Variants in DDX19A observed in about 807,000 individuals in gnomAD.
DDX19A encodes ATP-dependent RNA helicase DDX19A.
A neutral mutation model predicts 60.6 loss-of-function variants in DDX19A; 12 were observed. That is an observed-to-expected ratio of 0.20 (90% CI 0.13 to 0.32). The LOEUF (loss-of-function observed/expected upper bound fraction) is 0.32. Among genes scored for constraint, DDX19A ranks in the 10% least tolerant of loss-of-function variants. DDX19A has a pLI of 1.00. For missense variants in DDX19A, 337 were observed against 600.6 expected (o/e 0.56, Z 4.59); for synonymous variants, 206 against 218.2 (o/e 0.94, Z 0.49).
chr16:70,354,272 G>A (rs560309384), intron 2 of DDX19A, among the ~76,000 whole-genome samples: 2 of 151,772 alleles, frequency 1.3e-5, no homozygotes, highest in East Asian at 1.9e-4. Flanking sequence ...CAGCCTTCCC[G>A]AATAGCTGGG....
At chr16:70,370,170 G>GA (rs1279748084) in intron 9 of DDX19A, 53 bp from the exon 10 acceptor site, 6 of 1,571,600 alleles carry the variant, frequency 3.8e-6, no homozygotes, top group Non-Finnish European at 5.2e-6. Context: ...GTCTCAAAAA[G>GA]AAAAAATATA....
chr16:70,371,481 C>T lies in DDX19A; in HGVS notation c.1293C>T (p.Arg431=). 1 of 1,604,322 alleles carries T rather than the reference C, an allele frequency of 6.2e-7. No homozygotes were observed. The highest frequency in any genetic ancestry group is 8.5e-7 in the Non-Finnish European group (1 of 1,174,108). The part of the protein sequence containing the change: ...TYLHRIGRTG[R]FGKRGLAVNM... The stretch of plus-strand genomic sequence containing the variant: ...TGCACCGGATCGGGCGCACGGGCCG[C>T]TTTGGCAAGAGGGGCCTGGCAGTGA... Residue 431 remains arginine (R), a synonymous_variant, in exon 11 of 12, where the codon CGC becomes CGT. Transcript: ENST00000302243.
intron 1 of DDX19A, chr16:70,347,304 ACCT>A (rs1370846095): frequency 1.9e-6 from 1 of 519,246 alleles, no homozygotes; most frequent in Non-Finnish European, 3.4e-6. Context: ...TCCTCTATTG[ACCT>A]CCTCGGTGAC....
intron 4 of DDX19A, among the ~76,000 whole-genome samples, chr16:70,357,875 A>C (rs1233514275): frequency 6.6e-6 from 1 of 152,166 alleles, no homozygotes; most frequent in Non-Finnish European, 1.5e-5. Context: ...TCTTTGCCTT[A>C]GTTCAGCAAA....
chr16:70,360,487 A>ATTTTTC (rs1244422414), intron 4 of DDX19A, among the ~76,000 whole-genome samples: 7 of 148,358 alleles, frequency 4.7e-5, no homozygotes, highest in South Asian at 2.1e-4. Flanking sequence ...TGCCCAGCTC[A>ATTTTTC]TTTTTCTTTT....
rs952061260 is a variant in DDX19A, at chr16:70,356,104, C to A, written c.158-8C>A. 1 of 1,613,364 alleles carries A rather than the reference C, an allele frequency of 6.2e-7. No homozygotes were observed. Among genetic ancestry groups the A allele is most frequent in the Non-Finnish European group, 8.5e-7 (1 of 1,180,014 alleles). ...GAGTATGAAGATCTACTGGTTTCTT[C>A]CTGACAGAGGACAGAGCTGCCCAGT... On this transcript the variant is annotated splice_polypyrimidine_tract_variant and splice_region_variant and intron_variant, in intron 3 of 11. Coordinates refer to ENST00000302243, the MANE Select transcript of DDX19A (RefSeq NM_018332.5).
chr16:70,356,703 C>G (rs1964198090), intron 4 of DDX19A: 1 of 281,836 alleles, frequency 3.5e-6, no homozygotes, highest in African/African-American at 2.2e-5. Flanking sequence ...TCACATGATT[C>G]AAAAGTCAAA....
intron 4 of DDX19A, 93 bp downstream of exon 4, chr16:70,356,340 TA>T: frequency 1.9e-6 from 3 of 1,550,326 alleles, no homozygotes; most frequent in Non-Finnish European, 2.6e-6. Context: ...ATTTTACTTT[TA>T]AAAATTTAGT....
chr16:70,368,280 T>A (rs866833128), intron 9 of DDX19A, among the ~76,000 whole-genome samples: 2 of 152,304 alleles, frequency 1.3e-5, no homozygotes, highest in Middle Eastern at 3.4e-3. Flanking sequence ...GTATTCTTTT[T>A]TTTTTTGAGA....
Position 70,364,657 on chromosome 16 carries a change from C to CG in DDX19A, c.489+16dup, listed in dbSNP as rs754555187. The CG allele has an allele frequency of 2.5e-6, 4 of 1,607,924 alleles. No individual in the cohort carries two copies. In the South Asian group the frequency reaches 4.4e-5, roughly 18 times the overall value. On this transcript the variant is annotated intron_variant, in intron 6 of 11. Transcript: ENST00000302243. ...ACAGATACCCCCAGGTGAGGGCTTG[C>CG]GGGGCTGGGTGTCCTAGGTTGCCTG... is the stretch of plus-strand genomic sequence containing the variant.
intron 2 of DDX19A, among the ~76,000 whole-genome samples, chr16:70,354,265 C>T (rs1393855606): frequency 6.6e-6 from 1 of 152,068 alleles, no homozygotes; most frequent in Non-Finnish European, 1.5e-5. Flanking sequence ...CCTGCCTCAG[C>T]CTTCCCGAAT....
chr16:70,372,285 C>A lies in DDX19A; in HGVS notation c.*299C>A. The A allele has an allele frequency of 2.1e-6, 1 of 482,890 alleles. No homozygotes were observed. The allele number at this position is 482,890 out of a possible 1,614,324, so 29.9% of individuals were successfully genotyped here. A position where few individuals can be genotyped will look rare whatever the true frequency, so the allele number is the denominator to read the frequency against. ...TAGTCGCTGGCCCCAGGACCCCCTC[C>A]TGATTTTGGCTAGGCATCGTGGAAC... On this transcript the variant is annotated 3_prime_UTR_variant, in exon 12 of 12. Coordinates refer to ENST00000302243, the MANE Select transcript of DDX19A (RefSeq NM_018332.5).
chr16:70,352,283 C>CTT lies in DDX19A; in HGVS notation c.106+1696_106+1697dup, dbSNP rs58812314. Among the ~76,000 whole-genome samples the CTT allele has an allele frequency of 1.2e-3, 157 of 135,300 alleles. 1 individual carries two copies. Among genetic ancestry groups the CTT allele is most frequent in the African/African-American group, 3.4e-3 (125 of 36,736 alleles). The allele number at this position is 135,300 out of a possible 152,430, so 88.8% of individuals were successfully genotyped here. A position where few individuals can be genotyped will look rare whatever the true frequency, so the allele number is the denominator to read the frequency against. On this transcript the variant is annotated intron_variant, in intron 2 of 11. Coordinates refer to ENST00000302243, the MANE Select transcript of DDX19A (RefSeq NM_018332.5). ...TCAATACATGCAGTTTCATCCATGTCTTTTTTTTTTTTTTTTTTTGAGGCA... is the reference window on the plus strand; with the variant it reads ...TCAATACATGCAGTTTCATCCATGTCTTTTTTTTTTTTTTTTTTTTTGAGGCA...
rs1462667073 is a variant in DDX19A, at chr16:70,361,279, GTGT to G, written c.294-137_294-135del. On this transcript the variant is annotated intron_variant, in intron 4 of 11. Coordinates refer to ENST00000302243, the MANE Select transcript of DDX19A (RefSeq NM_018332.5). ...GTTTGATTTGGTTTGGTTTTTGACA[GTGT>G]TTTTTTAAGGCATAGGAAAATACGT... 4.3e-6 allele frequency: 3 copies of G among 696,998 alleles called. No individual in the cohort carries two copies. The Admixed American group carries it at 8.5e-5, about 20-fold the overall frequency. The allele number at this position is 696,998 out of a possible 1,614,324, so 43.2% of individuals were successfully genotyped here.
intron 5 of DDX19A, 30 bp downstream of exon 5, chr16:70,361,540 C>T (rs534086840): frequency 6.4e-7 from 1 of 1,550,642 alleles, no homozygotes; most frequent in African/African-American, 1.4e-5. Flanking sequence ...GCATCTCACC[C>T]AGTGTGATTA....
chr16:70,347,410 T>C (rs1963867836), intron 1 of DDX19A: 1 of 265,296 alleles, frequency 3.8e-6, no homozygotes, highest in Admixed American at 5.1e-5. Flanking sequence ...ATTTAACATT[T>C]CTTAGATCCA....
chr16:70,355,510 C>G lies in DDX19A; in HGVS notation c.132C>G (p.Ala44=). 6.2e-7 allele frequency: 1 copy of G among 1,613,878 alleles called. No homozygotes were observed. Among genetic ancestry groups the G allele is most frequent in the African/African-American group, 1.3e-5 (1 of 74,978 alleles). Residue 44 remains alanine (A), a synonymous_variant, in exon 3 of 12, where the codon GCC becomes GCG. Coordinates refer to ENST00000302243, the MANE Select transcript of DDX19A (RefSeq NM_018332.5). ...TNGIIKTSTT[A]EKTDEEEKED... Reference sequence around the variant, plus strand: ...GTATTATCAAAACCAGTACCACTGCCGAGAAAACAGATGAAGAGGAGAAAG... The same window carrying G: ...GTATTATCAAAACCAGTACCACTGCGGAGAAAACAGATGAAGAGGAGAAAG...
chr16:70,355,535 G>A lies in DDX19A; in HGVS notation c.157G>A (p.Glu53Lys), dbSNP rs752305710. The A allele has an allele frequency of 6.2e-7, 1 of 1,613,716 alleles. No homozygotes were observed. The highest frequency in any genetic ancestry group is 8.5e-7 in the Non-Finnish European group (1 of 1,179,642). ...CGAGAAAACAGATGAAGAGGAGAAAGGTAACTACTTTTGGATGCCCTTGGC... is the reference window on the plus strand; with the variant it reads ...CGAGAAAACAGATGAAGAGGAGAAAAGTAACTACTTTTGGATGCCCTTGGC... The part of the protein sequence containing the change: ...TAEKTDEEEK[E>K]DRAAQSLLNK... Residue 53 changes from glutamate to lysine, a missense_variant and splice_region_variant, in exon 3 of 12, where the codon GAG becomes AAG. Physicochemically the swap from Glu to Lys is moderately conservative, Grantham distance 56. This residue lies in a region of DDX19A where 127 missense variants were observed against 160.3 expected (regional missense o/e 0.79). Transcript: ENST00000302243.
chr16:70,363,926 A>G (rs1964446231), intron 5 of DDX19A: 1 of 151,784 alleles, frequency 6.6e-6, no homozygotes, highest in Admixed American at 6.6e-5. Context: ...TTTTTAGTAG[A>G]GACGGGGTTT....
Sources: allele counts gnomAD v4.1 joint callset (sites outside exome capture counted in the v4.1 genomes callset), GRCh38; gene constraint gnomAD v4.1.1; regional missense constraint gnomAD v4.1.1; transcripts MANE v1.5; gene names NCBI Gene and HGNC (gene_info 2026-07-23, HGNC 2026-07-21).